The following UTRN variants were observed in gnomAD, a reference collection of about 807,000 sequenced individuals.
UTRN encodes utrophin, also known as dystrophin-related protein 1.
Under a neutral mutation model 463.9 loss-of-function variants are expected in UTRN, and 283 were observed. The observed-to-expected ratio is 0.61, with a 90% CI of 0.55 to 0.67. The LOEUF (loss-of-function observed/expected upper bound fraction) is 0.67, where lower values mean the gene tolerates loss of function less well. Ranked by LOEUF, UTRN falls within the 30% of genes least tolerant of loss-of-function variation. The pLI, the probability that UTRN is intolerant of heterozygous loss-of-function variation, is 0.00. For missense variants in UTRN, 3,922 were observed against 4,084.3 expected, an observed-to-expected ratio of 0.96 and a Z score of 1.08; for synonymous variants, 1,442 against 1,431.5, an observed-to-expected ratio of 1.01 and a Z score of -0.17.
At chr6:144,461,385 A>T in intron 22 of UTRN, 43 bp downstream of exon 22, 1 of 1,421,262 alleles carries the variant, frequency 7.0e-7, no homozygotes. Flanking sequence ...GCTTCTTCTA[A>T]TATCTCCTCT....
chr6:144,661,403 C>T (rs1779849962), intron 51 of UTRN, among the ~76,000 whole-genome samples: 1 of 152,128 alleles, frequency 6.6e-6, no homozygotes, highest in Admixed American at 6.5e-5. Flanking sequence ...GCTGCAGTTG[C>T]TTCTCCCAAT....
intron 3 of UTRN, among the ~76,000 whole-genome samples, chr6:144,406,948 C>G (rs763773750): frequency 6.6e-6 from 1 of 152,028 alleles, no homozygotes; most frequent in Non-Finnish European, 1.5e-5. Context: ...CTTACCATCC[C>G]GGTGGGCCCT....
In UTRN at chr6:144,429,562, T is replaced by G; in HGVS notation, c.695-19T>G. 2 of 1,587,512 alleles carry G rather than the reference T, an allele frequency of 1.3e-6. No individual in the cohort carries two copies. The highest frequency in any genetic ancestry group is 1.7e-6 in the Non-Finnish European group (2 of 1,167,936). ...TGGACACCTAATTTAAGCTGGTTCT[T>G]ATATTCTTCCACTTTTAGATGTTGC... is the stretch of plus-strand genomic sequence containing the variant. On this transcript the variant is annotated intron_variant, in intron 8 of 74. Coordinates refer to ENST00000367545, the MANE Select transcript of UTRN (RefSeq NM_007124.3).
intron 2 of UTRN, among the ~76,000 whole-genome samples, chr6:144,386,898 C>A (rs1465024648): frequency 4.0e-5 from 6 of 151,562 alleles, no homozygotes; most frequent in Non-Finnish European, 7.4e-5. Context: ...TAAAAAAAAA[C>A]CAAAAACCAC....
In UTRN at chr6:144,789,577, A is replaced by AT. The variant is rs1283080668; in HGVS notation, c.8920+302dup. 9.9e-5 allele frequency among the ~76,000 whole-genome samples: 15 copies of AT among 152,254 alleles called. No individual in the cohort carries two copies. In the East Asian group the frequency reaches 2.7e-3, roughly 27 times the overall value. ...TCCCTCCATAATGTAGGCATTTGAG[A>AT]TTTTCATTTTCTAGCTGAGAAAATT... is the stretch of plus-strand genomic sequence containing the variant. On this transcript the variant is annotated intron_variant, in intron 62 of 74. Transcript: ENST00000367545.
intron 60 of UTRN, 120 bp downstream of exon 60, chr6:144,774,484 C>G (rs1437532135): frequency 1.2e-6 from 1 of 845,246 alleles, no homozygotes; most frequent in African/African-American, 1.8e-5. Context: ...TTCAGTGTAC[C>G]TCACTCAAGG....
At chr6:144,558,568 A>G (rs1485101476) in intron 50 of UTRN, among the ~76,000 whole-genome samples, 1 of 152,206 alleles carries the variant, frequency 6.6e-6, no homozygotes, top group Non-Finnish European at 1.5e-5. Context: ...CCGACATGGC[A>G]CATGTATACA....
Position 144,820,570 on chromosome 6 carries a change from G to A in UTRN, c.9358-312G>A, listed in dbSNP as rs1779518838. Among the ~76,000 whole-genome samples, 4 of 151,976 alleles carry A rather than the reference G, an allele frequency of 2.6e-5. No homozygotes were observed. In the South Asian group the frequency reaches 8.3e-4, roughly 32 times the overall value. ...AGTGATAAGAACCAGCCAATAGTTT[G>A]GAAAAATTAGTTTGGAAAAATTTCA... On this transcript the variant is annotated intron_variant, in intron 65 of 74. Coordinates refer to ENST00000367545, the MANE Select transcript of UTRN (RefSeq NM_007124.3).
intron 2 of UTRN, among the ~76,000 whole-genome samples, chr6:144,341,233 T>C (rs1194511058): frequency 6.6e-6 from 1 of 152,228 alleles, no homozygotes; most frequent in African/African-American, 2.4e-5. Context: ...TATTAATACA[T>C]GTTGCAAGGC....
At chr6:144,376,275 T>G (rs1477632681) in intron 2 of UTRN, among the ~76,000 whole-genome samples, 1 of 152,008 alleles carries the variant, frequency 6.6e-6, no homozygotes, top group Admixed American at 6.6e-5. Context: ...GCCAACATGG[T>G]GAAACCTGGT....
At position 144,836,549 on chromosome 6, in the gene UTRN, G is replaced by A. The variant is rs369732551; in HGVS notation, c.10065+8G>A. 7 of 1,612,662 alleles carry A rather than the reference G, an allele frequency of 4.3e-6. No homozygotes were observed. Among genetic ancestry groups the A allele is most frequent in the Admixed American group, 1.7e-5 (1 of 60,002 alleles). On this transcript the variant is annotated splice_region_variant and intron_variant, in intron 71 of 74. Transcript: ENST00000367545. ...CGACAGCTGCTGGAGCAGGTAGGGTGTGTAGAATTCAGCGTCACACCTCCC... is the reference window on the plus strand; with the variant it reads ...CGACAGCTGCTGGAGCAGGTAGGGTATGTAGAATTCAGCGTCACACCTCCC...
intron 65 of UTRN, among the ~76,000 whole-genome samples, chr6:144,816,733 C>CTTT (rs35967778): frequency 1.3e-3 from 178 of 132,034 alleles, no homozygotes; most frequent in East Asian, 3.1e-3. Flanking sequence ...AGCTTTTTTC[C>CTTT]TTTTTTTTTT....
At chr6:144,554,372 A>G (rs1284500867) in intron 48 of UTRN, among the ~76,000 whole-genome samples, 1 of 152,228 alleles carries the variant, frequency 6.6e-6, no homozygotes, top group East Asian at 1.9e-4. Flanking sequence ...ACAACTGTAA[A>G]TACAAAATTA....
chr6:144,453,235 G>T (rs1788504612), intron 18 of UTRN, among the ~76,000 whole-genome samples: 1 of 152,062 alleles, frequency 6.6e-6, no homozygotes, highest in Non-Finnish European at 1.5e-5. Flanking sequence ...CAATTCTCAT[G>T]CCTAAGCCTC....
chr6:144,844,968 A>T (rs979067088), intron 73 of UTRN, among the ~76,000 whole-genome samples: 6 of 152,186 alleles, frequency 3.9e-5, no homozygotes, highest in Non-Finnish European at 7.3e-5. Context: ...TTAAAATGAA[A>T]CTCTGTATTC....
intron 39 of UTRN, 38 bp from the exon 40 acceptor site, chr6:144,521,942 T>C (rs1200338790): frequency 1.8e-6 from 2 of 1,129,824 alleles, no homozygotes; most frequent in East Asian, 3.7e-5. Context: ...AAGAGATATA[T>C]ATATATATAT....
chr6:144,494,426 T>G (rs550775825), intron 33 of UTRN, among the ~76,000 whole-genome samples: 147 of 152,066 alleles, frequency 9.7e-4, no homozygotes, highest in African/African-American at 3.5e-3. Flanking sequence ...TTGCAGTGAG[T>G]GTTACAGCTC....
chr6:144,426,769 A>G (rs1785329781), intron 7 of UTRN, among the ~76,000 whole-genome samples: 1 of 152,208 alleles, frequency 6.6e-6, no homozygotes, highest in Admixed American at 6.5e-5. Context: ...AATGTATACA[A>G]AAAATTGTGT....
At chr6:144,676,845 A>G (rs956651630) in intron 51 of UTRN, among the ~76,000 whole-genome samples, 11 of 152,234 alleles carry the variant, frequency 7.2e-5, no homozygotes, top group Non-Finnish European at 1.6e-4. Flanking sequence ...TGTGAAAAAC[A>G]CTTTAGTTAT....
Sources: allele counts gnomAD v4.1 joint callset (sites outside exome capture counted in the v4.1 genomes callset), GRCh38; gene constraint gnomAD v4.1.1; transcripts MANE v1.5; gene names NCBI Gene and HGNC (gene_info 2026-07-23, HGNC 2026-07-21).